The following FAM171A1 variants were observed in gnomAD, a reference collection of about 807,000 sequenced individuals.
FAM171A1 encodes the protein protein FAM171A1.
FAM171A1 carries 23 observed loss-of-function variants against 74.9 expected under a neutral mutation model. That is an observed-to-expected ratio of 0.31 (90% CI 0.22 to 0.44). The LOEUF (loss-of-function observed/expected upper bound fraction) is 0.44, where lower values mean the gene tolerates loss of function less well. Ranked by LOEUF, FAM171A1 falls within the 20% of genes least tolerant of loss-of-function variation. FAM171A1 has a pLI of 1.00. For synonymous variants in FAM171A1, 527 were observed against 505.7 expected, an observed-to-expected ratio of 1.04 and a Z score of -0.57; for missense variants, 1,162 against 1,159.2, an observed-to-expected ratio of 1.00 and a Z score of -0.03.
At chr10:15,229,665 AC>A (rs1169307882) in intron 5 of FAM171A1, among the ~76,000 whole-genome samples, 5 of 140,006 alleles carry the variant, frequency 3.6e-5, no homozygotes, top group African/African-American at 1.1e-4. Flanking sequence ...CACCATTGTC[AC>A]CCCCATCACC....
chr10:15,290,840 C>G (rs1835093878), intron 1 of FAM171A1, among the ~76,000 whole-genome samples: 1 of 152,118 alleles, frequency 6.6e-6, no homozygotes, highest in South Asian at 2.1e-4. Flanking sequence ...ACGGAGAGAG[C>G]TTTGTGCAGG....
chr10:15,373,305 C>G (rs1836171306), upstream of FAM171A1, among the ~76,000 whole-genome samples: 1 of 152,196 alleles, frequency 6.6e-6, no homozygotes, highest in Admixed American at 6.5e-5. Flanking sequence ...TATATGGCAT[C>G]AAAGTTCCTA....
chr10:15,337,768 G>A (rs1159457373), intron 1 of FAM171A1, among the ~76,000 whole-genome samples: 2 of 152,164 alleles, frequency 1.3e-5, no homozygotes, highest in Admixed American at 1.3e-4. Context: ...GGCCAACGCG[G>A]TAAAACCCCG....
chr10:15,309,038 A>G (rs1326165382), intron 1 of FAM171A1, among the ~76,000 whole-genome samples: 1 of 152,218 alleles, frequency 6.6e-6, no homozygotes, highest in Non-Finnish European at 1.5e-5. Context: ...ATAAAATCTT[A>G]GCATGAACAA....
intron 1 of FAM171A1, among the ~76,000 whole-genome samples, chr10:15,353,796 A>G (rs1199736426): frequency 6.6e-6 from 1 of 152,124 alleles, no homozygotes; most frequent in African/African-American, 2.4e-5. Context: ...AAACACAGTA[A>G]AAGTCAGGAA....
At chr10:15,323,846 T>TA (rs879932896) in intron 1 of FAM171A1, among the ~76,000 whole-genome samples, 146 of 144,206 alleles carry the variant, frequency 1.0e-3, no homozygotes, top group Middle Eastern at 3.6e-3. Context: ...TTTCAACAAT[T>TA]AAAAAAAAAA....
chr10:15,233,890 G>C (rs1205853444), intron 5 of FAM171A1, among the ~76,000 whole-genome samples: 1 of 133,040 alleles, frequency 7.5e-6, no homozygotes, highest in African/African-American at 3.0e-5. Context: ...GACAGAGCAA[G>C]ACTCCGTCTC....
chr10:15,258,543 A>G (rs184510125), intron 3 of FAM171A1, among the ~76,000 whole-genome samples: 22 of 152,286 alleles, frequency 1.4e-4, no homozygotes, highest in African/African-American at 5.3e-4. Flanking sequence ...ACAAGCAAAC[A>G]TTACTCTAAC....
intron 5 of FAM171A1, among the ~76,000 whole-genome samples, chr10:15,222,159 G>A (rs934833395): frequency 6.6e-6 from 1 of 152,182 alleles, no homozygotes; most frequent in Non-Finnish European, 1.5e-5. Context: ...CAGGCCTCCT[G>A]TGCAGCTCAC....
intron 1 of FAM171A1, among the ~76,000 whole-genome samples, chr10:15,355,887 G>A (rs1194367045): frequency 2.6e-5 from 4 of 151,716 alleles, no homozygotes; most frequent in African/African-American, 9.7e-5. Context: ...ACACACACAT[G>A]CATGTATACA....
At chr10:15,280,552 T>A (rs1834954858) in intron 2 of FAM171A1, among the ~76,000 whole-genome samples, 1 of 152,162 alleles carries the variant, frequency 6.6e-6, no homozygotes, top group South Asian at 2.1e-4. Context: ...GTTTTCCTTA[T>A]GCTGGGTTCC....
At chr10:15,337,649 C>G (rs1184918917) in intron 1 of FAM171A1, among the ~76,000 whole-genome samples, 1 of 152,188 alleles carries the variant, frequency 6.6e-6, no homozygotes. Flanking sequence ...GCAATCCCAG[C>G]GCTTTAATAA....
At chr10:15,275,989 A>G in intron 2 of FAM171A1, 42 bp from the exon 3 acceptor site, 1 of 1,424,322 alleles carries the variant, frequency 7.0e-7, no homozygotes, top group Non-Finnish European at 9.8e-7. Flanking sequence ...TTTAATAGTC[A>G]TATTTAAGTG....
chr10:15,364,106 G>A (rs929109466), intron 1 of FAM171A1, among the ~76,000 whole-genome samples: 5 of 152,036 alleles, frequency 3.3e-5, no homozygotes, highest in Non-Finnish European at 7.4e-5. Context: ...GGACTATGGC[G>A]ACATCCCATC....
Position 15,284,031 on chromosome 10 carries a change from T to C in FAM171A1, c.172A>G (p.Thr58Ala). 1 of 1,614,084 alleles carries C rather than the reference T, an allele frequency of 6.2e-7. No homozygotes were observed. The highest frequency in any genetic ancestry group is 8.5e-7 in the Non-Finnish European group (1 of 1,180,018). Residue 58 changes from threonine (T) to alanine (A), a missense_variant, in exon 2 of 8, where the codon ACC becomes GCC. Thr to Ala is a moderately conservative substitution (Grantham distance 58). Coordinates refer to ENST00000378116, the MANE Select transcript of FAM171A1 (RefSeq NM_001010924.2). ...CCAGAGGCTATGGAGGCCTGGTTGG[T>C]GAAGATCTCGATGAGCGCATCTGCT... ...PVADALIEIF[T>A]NQASIASGTS... is the part of the protein sequence containing the mutation.
At chr10:15,326,684 G>C (rs1835559141) in intron 1 of FAM171A1, among the ~76,000 whole-genome samples, 1 of 152,014 alleles carries the variant, frequency 6.6e-6, no homozygotes, top group African/African-American at 2.4e-5. Flanking sequence ...ATGGAGTGCA[G>C]TGGCATGATC....
At chr10:15,316,363 A>G (rs12777464) in intron 1 of FAM171A1, among the ~76,000 whole-genome samples, 51,849 of 152,138 alleles carry the variant, frequency 0.34, 9,206 homozygotes, top group Middle Eastern at 0.38. Context: ...TTCCCTCACC[A>G]GGCCATTCCT....
intron 5 of FAM171A1, among the ~76,000 whole-genome samples, chr10:15,242,414 T>C (rs1384820231): frequency 1.3e-5 from 2 of 152,236 alleles, no homozygotes; most frequent in Non-Finnish European, 2.9e-5. Context: ...CCACAAACGT[T>C]GGCTTTTTTC....
chr10:15,232,524 GAACT>G (rs753954387), intron 5 of FAM171A1, among the ~76,000 whole-genome samples: 11 of 152,126 alleles, frequency 7.2e-5, no homozygotes, highest in Admixed American at 2.6e-4. Flanking sequence ...CTGACCGAAC[GAACT>G]GTTTGATTTT....
Sources: allele counts gnomAD v4.1 joint callset (sites outside exome capture counted in the v4.1 genomes callset), GRCh38; gene constraint gnomAD v4.1.1; transcripts MANE v1.5; gene names NCBI Gene and HGNC (gene_info 2026-07-23, HGNC 2026-07-21).